TMX2: variants seen among roughly 807,000 people sequenced by gnomAD.
TMX2 encodes the protein thioredoxin-related transmembrane protein 2.
A neutral mutation model predicts 33.4 loss-of-function variants in TMX2; 20 were observed. The ratio of observed to expected loss-of-function variants is 0.60; its 90% CI spans 0.42 to 0.87. TMX2 has a LOEUF of 0.87. Ranked by LOEUF, TMX2 falls within the 40% of genes least tolerant of loss-of-function variation. The pLI is 0.00. For missense variants in TMX2, 340 were observed against 370.7 expected (o/e 0.92, Z 0.68); for synonymous variants, 166 against 140.7 (o/e 1.18, Z -1.27).
At chr11:57,733,703 A>ATTTC (rs1286489617) in intron 1 of TMX2, among the ~76,000 whole-genome samples, 5 of 152,208 alleles carry the variant, frequency 3.3e-5, no homozygotes, top group African/African-American at 9.6e-5. Flanking sequence ...GGGTTCATTC[A>ATTTC]ATTATCCTCT....
intron 1 of TMX2, among the ~76,000 whole-genome samples, chr11:57,720,004 A>G (rs1947488246): frequency 6.6e-6 from 1 of 151,998 alleles, no homozygotes; most frequent in South Asian, 2.1e-4. Context: ...AAAAGGTGCC[A>G]CTGGTTGGGC....
intron 1 of TMX2, chr11:57,718,539 G>A: frequency 3.0e-6 from 2 of 677,622 alleles, no homozygotes; most frequent in South Asian, 3.3e-5. Flanking sequence ...ATGGCTGATA[G>A]TACAGGGCTC....
Position 57,712,780 on chromosome 11 carries a change from A to G in TMX2, c.162A>G (p.Glu54=), listed in dbSNP as rs1409171562. ...PLCHGLPTQR[E]DGNPCDFDWR... is the part of the protein sequence containing the mutation. The stretch of plus-strand genomic sequence containing the variant: ...GCCACGGTCTGCCCACCCAACGCGA[A>G]GACGGTAACCCGTGTGACTTTGACT... Residue 54 remains glutamate, a synonymous_variant, in exon 1 of 8, where the codon GAA becomes GAG. Transcript: ENST00000278422. 2 of 1,614,122 alleles carry G rather than the reference A, an allele frequency of 1.2e-6. No individual in the cohort carries two copies. Among genetic ancestry groups the G allele is most frequent in the Non-Finnish European group, 8.5e-7 (1 of 1,180,034 alleles).
At chr11:57,718,181 CTTGGCAGTG>C in intron 1 of TMX2, 1 of 1,285,930 alleles carries the variant, frequency 7.8e-7, no homozygotes, top group Non-Finnish European at 1.1e-6. Context: ...ACCACTCACT[CTTGGCAGTG>C]TAGATGAAAA....
intron 1 of TMX2, among the ~76,000 whole-genome samples, chr11:57,725,038 C>CAAAAAAAAAA: frequency 1.6e-5 from 1 of 61,518 alleles, no homozygotes; most frequent in Non-Finnish European, 3.6e-5. Flanking sequence ...GACTGTGTCT[C>CAAAAAAAAAA]AAAAAAAAAA....
chr11:57,729,798 T>A (rs1354673046), intron 1 of TMX2, among the ~76,000 whole-genome samples: 2 of 149,748 alleles, frequency 1.3e-5, no homozygotes, highest in Non-Finnish European at 2.9e-5. Context: ...AGAGCTCTAA[T>A]TAATTGGCTT....
Position 57,738,601 on chromosome 11 carries a change from A to G in TMX2, c.442-63A>G, listed in dbSNP as rs1590977994. On this transcript the variant is annotated intron_variant, in intron 4 of 7. Coordinates refer to ENST00000278422, the MANE Select transcript of TMX2 (RefSeq NM_015959.4). The stretch of plus-strand genomic sequence containing the variant: ...CACCAGGATGAGGAATTAGATGCTA[A>G]AGTCTGAACCTTCCCAGGAGGCTAT... 3 of 1,452,152 alleles carry G rather than the reference A, an allele frequency of 2.1e-6. No homozygotes were observed. The East Asian group carries it at 6.8e-5, about 33-fold the overall frequency. 90.0% of individuals were successfully genotyped at this position (1,452,152 alleles called of 1,614,324 possible).
chr11:57,739,922 G>C (rs960848014), intron 7 of TMX2, among the ~76,000 whole-genome samples, 177 bp from the exon 8 acceptor site: 2 of 152,066 alleles, frequency 1.3e-5, no homozygotes, highest in Non-Finnish European at 2.9e-5. Context: ...GCACATAATG[G>C]GTATTTAACT....
At chr11:57,715,696 G>A (rs1470974313) in intron 1 of TMX2, among the ~76,000 whole-genome samples, 1 of 150,534 alleles carries the variant, frequency 6.6e-6, no homozygotes, top group Non-Finnish European at 1.5e-5. Flanking sequence ...AGTGAACAAA[G>A]GTCTCTGGTT....
In TMX2 at chr11:57,728,307, C is replaced by T. The variant is rs557589566; in HGVS notation, c.190-9301C>T. Among the ~76,000 whole-genome samples, 10 of 152,268 alleles carry T rather than the reference C, an allele frequency of 6.6e-5. 2 individuals are homozygous for T. The East Asian group carries it at 1.9e-3, about 29-fold the overall frequency. On this transcript the variant is annotated intron_variant, in intron 1 of 7. Transcript: ENST00000278422. ...CCTCCCGAGTAGCTGGGACTACAGG[C>T]GCCCGCCACCATGCCTGGCTAATTT...
At position 57,740,484 on chromosome 11, in the gene TMX2, G is replaced by C. The variant is rs1366314294; in HGVS notation, c.*239G>C. 2 of 443,206 alleles carry C rather than the reference G, an allele frequency of 4.5e-6. No homozygotes were observed. The highest frequency in any genetic ancestry group is 8.1e-5 in the Admixed American group (2 of 24,756). The allele number at this position is 443,206 out of a possible 1,614,324, so 27.5% of individuals were successfully genotyped here. On this transcript the variant is annotated 3_prime_UTR_variant, in exon 8 of 8. Coordinates refer to ENST00000278422, the MANE Select transcript of TMX2 (RefSeq NM_015959.4). ...GAAAGAGATCTCATAGGACGGAGGG[G>C]GAAATGGTTTCCCTCCAAGCTTGGG...
intron 1 of TMX2, among the ~76,000 whole-genome samples, chr11:57,724,707 G>A (rs1947861298): frequency 6.6e-6 from 1 of 151,996 alleles, no homozygotes; most frequent in South Asian, 2.1e-4. Context: ...CTTTATCTAA[G>A]GTAGTTGTAA....
At chr11:57,739,067 G>A (rs1476168820) in intron 6 of TMX2, 28 bp downstream of exon 6, 2 of 1,614,170 alleles carry the variant, frequency 1.2e-6, no homozygotes, top group Admixed American at 1.7e-5. Context: ...CAGAGGGTCT[G>A]AGCAGGGAAA....
chr11:57,712,920 A>G, intron 1 of TMX2, 113 bp downstream of exon 1: 2 of 1,172,700 alleles, frequency 1.7e-6, no homozygotes, highest in East Asian at 2.4e-5. Context: ...CCGAGCCTGT[A>G]GCGGACTTAG....
intron 1 of TMX2, among the ~76,000 whole-genome samples, chr11:57,720,195 A>G (rs898357965): frequency 1.3e-5 from 2 of 150,222 alleles, no homozygotes; most frequent in African/African-American, 2.4e-5. Flanking sequence ...CGTTTTCCTT[A>G]TAGAGCCCCA....
chr11:57,727,874 C>T (rs139491245), intron 1 of TMX2, among the ~76,000 whole-genome samples: 1 of 152,344 alleles, frequency 6.6e-6, no homozygotes, highest in East Asian at 1.9e-4. Flanking sequence ...TTTATCATAA[C>T]CTGAACATTC....
chr11:57,734,903 AG>A lies in TMX2; in HGVS notation c.190-2703del, dbSNP rs1349587650. On this transcript the variant is annotated intron_variant, in intron 1 of 7. Coordinates refer to ENST00000278422, the MANE Select transcript of TMX2 (RefSeq NM_015959.4). ...GTAATCCCAGCACTTTGGGAGGCCG[AG>A]GCGGGCAGATCACAAGGCCAAGAGA... Among the ~76,000 whole-genome samples, 5 of 151,778 alleles carry A rather than the reference AG, an allele frequency of 3.3e-5. No homozygotes were observed. In the East Asian group the frequency reaches 9.9e-4, roughly 30 times the overall value.
At chr11:57,719,908 CTT>C (rs1315998359) in intron 1 of TMX2, among the ~76,000 whole-genome samples, 2 of 152,140 alleles carry the variant, frequency 1.3e-5, no homozygotes, top group African/African-American at 4.8e-5. Context: ...TGTATTTCTA[CTT>C]CTTCCTTTTG....
Position 57,712,794 on chromosome 11 carries a change from G to A in TMX2, c.176G>A (p.Cys59Tyr). 1 of 1,614,084 alleles carries A rather than the reference G, an allele frequency of 6.2e-7. No homozygotes were observed. The highest frequency in any genetic ancestry group is 8.5e-7 in the Non-Finnish European group (1 of 1,180,032). ...LPTQREDGNPCDFDWREVEIL... is the reference protein window; with the variant it reads ...LPTQREDGNPYDFDWREVEIL... ...ACCCAACGCGAAGACGGTAACCCGTGTGACTTTGACTGGGTGAGCCTCCCG... is the reference window on the plus strand; with the variant it reads ...ACCCAACGCGAAGACGGTAACCCGTATGACTTTGACTGGGTGAGCCTCCCG... The change falls in exon 1 of 8, where the codon TGT (cysteine) becomes TAT (tyrosine). Residue 59 changes from cysteine (C) to tyrosine (Y), a missense_variant. Physicochemically the swap from Cys to Tyr is radical, Grantham distance 194. This residue lies in a region of TMX2 where 106 missense variants were observed against 82.7 expected (regional missense o/e 1.28). Coordinates refer to ENST00000278422, the MANE Select transcript of TMX2 (RefSeq NM_015959.4).
Sources: allele counts gnomAD v4.1 joint callset (sites outside exome capture counted in the v4.1 genomes callset), GRCh38; gene constraint gnomAD v4.1.1; regional missense constraint gnomAD v4.1.1; transcripts MANE v1.5; gene names NCBI Gene and HGNC (gene_info 2026-07-23, HGNC 2026-07-21).